CLCN5: variants seen among roughly 807,000 people sequenced by gnomAD.
CLCN5 encodes the protein Cl-/H+ antiporter 5, also known as H(+)/Cl(-) exchange transporter 5.
CLCN5 carries 17 observed loss-of-function variants against 54.0 expected under a neutral mutation model. The ratio of observed to expected loss-of-function variants is 0.31; its 90% CI spans 0.22 to 0.47. The LOEUF (loss-of-function observed/expected upper bound fraction) is 0.47, where lower values mean the gene tolerates loss of function less well. Ranked by LOEUF, CLCN5 falls within the 20% of genes least tolerant of loss-of-function variation. The pLI is 1.00. For synonymous variants in CLCN5, 222 were observed against 233.0 expected (o/e 0.95, Z 0.43); for missense variants, 448 against 646.7 (o/e 0.69, Z 3.33).
intron 4 of CLCN5, among the ~76,000 whole-genome samples, chrX:50,060,057 A>AAGG (rs1932825868): frequency 9.4e-6 from 1 of 106,625 alleles, no homozygotes; most frequent in Admixed American, 1.0e-4. Flanking sequence ...AACAACTTGG[A>AAGG]AGGAGGCTTT....
intron 3 of CLCN5, among the ~76,000 whole-genome samples, chrX:49,930,727 T>C (rs1208403160): frequency 9.0e-6 from 1 of 111,616 alleles, no homozygotes; most frequent in African/African-American, 3.3e-5. Flanking sequence ...GCCTTCCATA[T>C]TCATGGGTGT....
chrX:49,930,570 G>A (rs782788763), intron 3 of CLCN5, among the ~76,000 whole-genome samples: 1 of 111,169 alleles, frequency 9.0e-6, no homozygotes, highest in Admixed American at 9.6e-5. Context: ...GTCAGGGAGT[G>A]GGGGAGCAGG....
chrX:49,998,967 A>G (rs1602028004), intron 3 of CLCN5, among the ~76,000 whole-genome samples: 1 of 110,706 alleles, frequency 9.0e-6, no homozygotes, highest in South Asian at 3.9e-4. Flanking sequence ...CACAACTTAC[A>G]GGAGAGTGAA....
intron 3 of CLCN5, among the ~76,000 whole-genome samples, chrX:49,972,611 A>G (rs1214819692): frequency 8.9e-6 from 1 of 111,920 alleles, no homozygotes; most frequent in Non-Finnish European, 1.9e-5. Context: ...TACTAAAGAT[A>G]TAAAGCTTTG....
At chrX:50,083,562 A>C (rs1557193504) in intron 9 of CLCN5, among the ~76,000 whole-genome samples, 1 of 112,079 alleles carries the variant, frequency 8.9e-6, no homozygotes. Context: ...TGATCATTGA[A>C]CTGTGATTAT....
chrX:49,948,316 A>G (rs1926864074), intron 3 of CLCN5, among the ~76,000 whole-genome samples: 1 of 110,911 alleles, frequency 9.0e-6, no homozygotes, highest in Non-Finnish European at 1.9e-5. Context: ...TTCTTTCTCC[A>G]GGTGTTGAGT....
At chrX:49,966,183 G>GAAGC (rs1927837124) in intron 3 of CLCN5, among the ~76,000 whole-genome samples, 1 of 111,317 alleles carries the variant, frequency 9.0e-6, no homozygotes, top group Non-Finnish European at 1.9e-5. Flanking sequence ...GAATTCTAGT[G>GAAGC]AAGCCATCTG....
intron 3 of CLCN5, among the ~76,000 whole-genome samples, chrX:49,959,039 C>CT (rs58403470): frequency 0.072 from 7,815 of 109,123 alleles, 748 homozygotes; most frequent in African/African-American, 0.25. Flanking sequence ...GTCACTTCTC[C>CT]TTTTTTTTTC....
chrX:49,983,358 G>A (rs1557177927), intron 3 of CLCN5, among the ~76,000 whole-genome samples: 1 of 111,439 alleles, frequency 9.0e-6, no homozygotes, highest in Non-Finnish European at 1.9e-5. Flanking sequence ...CTAACACGAT[G>A]AGTGAATATG....
At chrX:49,950,483 G>C (rs782219118) in intron 3 of CLCN5, among the ~76,000 whole-genome samples, 8 of 111,219 alleles carry the variant, frequency 7.2e-5, no homozygotes, top group South Asian at 7.6e-4. Context: ...AGTTCTATAA[G>C]GTAAATACCA....
At chrX:49,998,590 C>T (rs942385188) in intron 3 of CLCN5, among the ~76,000 whole-genome samples, 1 of 111,041 alleles carries the variant, frequency 9.0e-6, no homozygotes, top group African/African-American at 3.3e-5. Flanking sequence ...TTTCACAATC[C>T]CCCTCCCACA....
rs782816096 is a variant in CLCN5 at position 49,999,851 on chromosome X, CT to C, written c.17-42458del. Among the ~76,000 whole-genome samples, 236 of 112,101 alleles carry C rather than the reference CT, an allele frequency of 2.1e-3. 1 individual carries two copies. The highest frequency in any genetic ancestry group is 3.2e-3 in the Admixed American group (34 of 10,621). On this transcript the variant is annotated intron_variant, in intron 3 of 14. Coordinates refer to ENST00000376091, the MANE Select transcript of CLCN5 (RefSeq NM_001127898.4). ...TTCTTAGTCTGTACATTAAAAGCCC[CT>C]TTTTTTACTTGTTTTAAAGGTTGTG...
At chrX:50,043,264 T>A (rs1346377764) in intron 4 of CLCN5, among the ~76,000 whole-genome samples, 3 of 112,036 alleles carry the variant, frequency 2.7e-5, no homozygotes, top group Admixed American at 9.5e-5. Flanking sequence ...TACAATTTCA[T>A]GGTATGTTTG....
intron 6 of CLCN5, among the ~76,000 whole-genome samples, chrX:50,075,039 T>G (rs782744759): frequency 4.6e-4 from 52 of 112,035 alleles, no homozygotes; most frequent in Non-Finnish European, 8.5e-4. Context: ...TTCCCATCAT[T>G]TTCTTTGGTG....
intron 4 of CLCN5, among the ~76,000 whole-genome samples, chrX:50,051,203 A>T (rs956306627): frequency 8.9e-6 from 1 of 112,165 alleles, no homozygotes; most frequent in Non-Finnish European, 1.9e-5. Flanking sequence ...TTATAAAAGG[A>T]GGAAAGTCTT....
At chrX:49,967,238 G>A (rs1927964971) in intron 3 of CLCN5, among the ~76,000 whole-genome samples, 1 of 31,907 alleles carries the variant, frequency 3.1e-5, no homozygotes, top group Admixed American at 3.7e-4. Context: ...CACCAACAGT[G>A]TAAAAGTGTT....
intron 14 of CLCN5, 125 bp from the exon 15 acceptor site, chrX:50,092,004 C>A: frequency 1.9e-6 from 1 of 521,049 alleles, no homozygotes; most frequent in Non-Finnish European, 3.4e-6. Context: ...TGATCTCATA[C>A]TGAAAGGGCA....
intron 3 of CLCN5, among the ~76,000 whole-genome samples, chrX:49,979,173 A>G (rs782352597): frequency 1.2e-4 from 13 of 111,690 alleles, no homozygotes; most frequent in African/African-American, 3.6e-4. Context: ...CAAAGTACCT[A>G]CTATTTATAC....
At chrX:50,014,310 T>G (rs1930671700) in intron 3 of CLCN5, among the ~76,000 whole-genome samples, 1 of 111,762 alleles carries the variant, frequency 8.9e-6, no homozygotes. Flanking sequence ...TCACAAGTAT[T>G]GAGCACTTAG....
Sources: gnomAD v4.1 joint callset for allele counts (sites outside exome capture counted in the v4.1 genomes callset) on GRCh38, gnomAD v4.1.1 for gene constraint, MANE v1.5 for transcripts, NCBI Gene and HGNC (gene_info 2026-07-23, HGNC 2026-07-21) for gene names.